MME: variants seen among roughly 807,000 people sequenced by gnomAD.
MME encodes the protein membrane metalloendopeptidase.
Under a neutral mutation model 113.2 loss-of-function variants are expected in MME, and 98 were observed. That is an observed-to-expected ratio of 0.87 (90% CI 0.74 to 1.02). The LOEUF (loss-of-function observed/expected upper bound fraction) is 1.02. Among genes scored for constraint, MME ranks in the 50% least tolerant of loss-of-function variants. The pLI, the probability that MME is intolerant of heterozygous loss-of-function variation, is 0.00. For missense variants in MME, 836 were observed against 896.0 expected (o/e 0.93, Z 0.86); for synonymous variants, 292 against 300.6 (o/e 0.97, Z 0.30).
chr3:155,180,723 T>G lies in MME; in HGVS notation c.*264T>G, dbSNP rs1713010667. 1 of 417,238 alleles carries G rather than the reference T, an allele frequency of 2.4e-6. No individual in the cohort carries two copies. The highest frequency in any genetic ancestry group is 3.7e-5 in the Admixed American group (1 of 27,392). The allele number at this position is 417,238 out of a possible 1,614,324, so 25.8% of individuals were successfully genotyped here. On this transcript the variant is annotated 3_prime_UTR_variant, in exon 23 of 23. Transcript: ENST00000360490. ...TTCTAAAGATAATATTACTGTTTAT[T>G]TCTGTTTCTCATATGGTCTACCAGT...
rs199877623 is a variant in MME at position 155,049,678 on chromosome 3, TAGAG to T, written c.-11+25360_-11+25363del. Among the ~76,000 whole-genome samples the T allele has an allele frequency of 1.3e-4, 19 of 148,466 alleles. No individual in the cohort carries two copies. In the East Asian group the frequency reaches 3.6e-3, roughly 28 times the overall value. On this transcript the variant is annotated intron_variant, in intron 1 of 22. Coordinates refer to the MME transcript ENST00000492661. ...ATCTATCTATCTATCTATCTATATA[TAGAG>T]AGAGAACAGAATGTTGGTAGAAATA...
rs372482069 is a variant in MME, at chr3:155,144,472, G to A, written c.1416+15G>A. On this transcript the variant is annotated intron_variant, in intron 14 of 22. Transcript: ENST00000360490. ...CTGAAGAAAAGGTAAAGAGCAGACA[G>A]CTAACTAGCAAAGAAAAATCTTTGC... 15 of 1,529,002 alleles carry A rather than the reference G, an allele frequency of 9.8e-6. No individual in the cohort carries two copies. In the African/African-American group the frequency reaches 2.1e-4, roughly 21 times the overall value. 94.7% of individuals were successfully genotyped at this position (1,529,002 alleles called of 1,614,324 possible).
At chr3:155,057,541 T>C (rs1028980753) in intron 1 of MME, among the ~76,000 whole-genome samples, 10 of 152,070 alleles carry the variant, frequency 6.6e-5, no homozygotes, top group Admixed American at 2.0e-4. Flanking sequence ...TGTCATCATT[T>C]TTCAGACTTC....
At chr3:155,034,571 A>T (rs977845195) in intron 1 of MME, among the ~76,000 whole-genome samples, 2 of 152,192 alleles carry the variant, frequency 1.3e-5, no homozygotes, top group African/African-American at 4.8e-5. Context: ...AATATCTGTG[A>T]TTGATTAGAT....
chr3:155,147,349 C>G (rs928056896), intron 15 of MME, 125 bp downstream of exon 15: 1 of 696,902 alleles, frequency 1.4e-6, no homozygotes, highest in Non-Finnish European at 2.6e-6. Context: ...TTATATAAAG[C>G]CTTCAACGCT....
chr3:155,173,679 C>G (rs2108377955), intron 22 of MME, among the ~76,000 whole-genome samples: 1 of 151,818 alleles, frequency 6.6e-6, no homozygotes, highest in Middle Eastern at 3.4e-3. Flanking sequence ...CTCTGTAATC[C>G]AAGCTAAATT....
chr3:155,037,417 G>C (rs1355303149), intron 1 of MME, among the ~76,000 whole-genome samples: 1 of 152,188 alleles, frequency 6.6e-6, no homozygotes, highest in Non-Finnish European at 1.5e-5. Flanking sequence ...CCTGTTGGAA[G>C]AGACACAAAA....
At chr3:155,178,830 A>G (rs867879979) in intron 22 of MME, among the ~76,000 whole-genome samples, 8 of 152,220 alleles carry the variant, frequency 5.3e-5, no homozygotes, top group African/African-American at 1.9e-4. Flanking sequence ...GGGATTAATG[A>G]TAAGAAAAGT....
rs1203309069 is a variant in MME, at chr3:155,044,760, G to A, written c.-11+20436G>A. 2.6e-5 allele frequency among the ~76,000 whole-genome samples: 4 copies of A among 152,194 alleles called. No homozygotes were observed. The East Asian group carries it at 7.7e-4, about 29-fold the overall frequency. On this transcript the variant is annotated intron_variant, in intron 1 of 22. Transcript: ENST00000492661. Reference sequence around the variant, plus strand: ...GGGTTGGGATATTTTCCCCCTGTTAGTCCAATATTATGAAAAATTATATTA... The same window carrying A: ...GGGTTGGGATATTTTCCCCCTGTTAATCCAATATTATGAAAAATTATATTA...
rs932493139 is a variant in MME, at chr3:155,140,243, T to C, written c.908T>C (p.Met303Thr). The change falls in exon 10 of 23, where the codon ATG (methionine) becomes ACG (threonine). Residue 303 changes from methionine (M) to threonine (T), a missense_variant. Coordinates refer to ENST00000360490, the MANE Select transcript of MME (RefSeq NM_007289.4). ...RNDPMLLYNK[M>T]TLAQIQNNFS... is the part of the protein sequence containing the mutation. ...GATCCAATGCTTCTGTATAACAAGA[T>C]GACATTGGCCCAGATCCAAAATAAC... The C allele has an allele frequency of 6.2e-7, 1 of 1,612,980 alleles. No homozygotes were observed. Among genetic ancestry groups the C allele is most frequent in the Non-Finnish European group, 8.5e-7 (1 of 1,179,358 alleles).
At chr3:155,082,270 CTTTTATACCAGTAAAACA>C (rs1480359821) in intron 1 of MME, among the ~76,000 whole-genome samples, 1 of 152,116 alleles carries the variant, frequency 6.6e-6, no homozygotes, top group African/African-American at 2.4e-5. Flanking sequence ...AAAAAAAGTC[CTTTTATACCAGTAAAACA>C]TTTCTCTACA....
chr3:155,083,206 T>C (rs9829757), intron 1 of MME, among the ~76,000 whole-genome samples: 113,304 of 152,124 alleles, frequency 0.74, 43,293 homozygotes, highest in East Asian at 0.87. Context: ...TGACCAAATG[T>C]GTTCTTTACA....
intron 3 of MME, chr3:155,089,969 G>C (rs1399933785): frequency 3.0e-6 from 1 of 332,336 alleles, no homozygotes; most frequent in African/African-American, 2.1e-5. Flanking sequence ...CCAAAAAAAA[G>C]AAAAAGACAA....
chr3:155,176,332 A>C (rs1166192605), intron 22 of MME, among the ~76,000 whole-genome samples: 3 of 152,220 alleles, frequency 2.0e-5, no homozygotes, highest in Non-Finnish European at 4.4e-5. Flanking sequence ...TTACATAATA[A>C]AGTAAAAATT....
At position 155,045,279 on chromosome 3, in the gene MME, T is replaced by C. The variant is rs192475149; in HGVS notation, c.-11+20955T>C. Among the ~76,000 whole-genome samples the C allele has an allele frequency of 3.0e-3, 455 of 151,998 alleles. 3 individuals are homozygous for C. Among genetic ancestry groups the C allele is most frequent in the African/African-American group, 0.01 (415 of 41,454 alleles). ...GATTCCCCTGCCTCAGCCTCCTGAG[T>C]AGCTGGGACTACAGGTGCCTGCCAC... On this transcript the variant is annotated intron_variant, in intron 1 of 22. Coordinates refer to the MME transcript ENST00000492661.
At chr3:155,138,263 A>G (rs1206448038) in intron 9 of MME, 27 bp downstream of exon 9, 8 of 1,609,750 alleles carry the variant, frequency 5.0e-6, no homozygotes, top group Non-Finnish European at 4.3e-6. Flanking sequence ...TTTCTGATAC[A>G]CTGAATAATG....
intron 16 of MME, chr3:155,158,304 C>T (rs939449363): frequency 1.3e-5 from 2 of 152,106 alleles, no homozygotes; most frequent in African/African-American, 4.8e-5. Flanking sequence ...GAAACTGAAC[C>T]CTAAAACCAC....
chr3:155,075,750 G>A (rs911014784), upstream of MME, among the ~76,000 whole-genome samples: 1 of 152,028 alleles, frequency 6.6e-6, no homozygotes, highest in African/African-American at 2.4e-5. Context: ...CTCAAACTTG[G>A]GCTCAAGTGA....
Position 155,074,462 on chromosome 3 carries a change from C to T in MME, c.-10-9696C>T, listed in dbSNP as rs530277062. ...TTCTTTTTTTTTTGAGACAGAGTCT[C>T]ACTCTGTCACCCAGGCTGGAGTGCA... is the stretch of plus-strand genomic sequence containing the variant. On this transcript the variant is annotated intron_variant, in intron 1 of 22. Coordinates refer to the MME transcript ENST00000492661. Among the ~76,000 whole-genome samples, 449 of 151,608 alleles carry T rather than the reference C, an allele frequency of 3.0e-3. 2 individuals carry two copies. Among genetic ancestry groups the T allele is most frequent in the Non-Finnish European group, 2.9e-3 (199 of 67,902 alleles).
Sources: gnomAD v4.1 joint callset for allele counts (sites outside exome capture counted in the v4.1 genomes callset) on GRCh38, gnomAD v4.1.1 for gene constraint, MANE v1.5 for transcripts, NCBI Gene and HGNC (gene_info 2026-07-23, HGNC 2026-07-21) for gene names.